DOCK10: variants seen among roughly 807,000 people sequenced by gnomAD.
DOCK10 encodes the protein dedicator of cytokinesis 10, also known as dedicator of cytokinesis protein 10.
Under a neutral mutation model 280.1 loss-of-function variants are expected in DOCK10, and 145 were observed. That is an observed-to-expected ratio of 0.52 (90% CI 0.45 to 0.59). DOCK10 has a LOEUF of 0.59. Among genes scored for constraint, DOCK10 ranks in the 20% least tolerant of loss-of-function variants. The probability of loss-of-function intolerance (pLI) is 0.00; values close to 1 mark genes in which losing one functional copy is unlikely to be tolerated. For missense variants in DOCK10, 2,368 were observed against 2,651.7 expected (o/e 0.89, Z 2.35); for synonymous variants, 915 against 942.2 (o/e 0.97, Z 0.53).
At chr2:224,910,971 T>TCG (rs1700975305) in intron 3 of DOCK10, among the ~76,000 whole-genome samples, 1 of 96,094 alleles carries the variant, frequency 1.0e-5, no homozygotes, top group South Asian at 3.2e-4. Context: ...CTCCTTTCTC[T>TCG]CTCCCTTTTT....
chr2:224,827,305 C>A (rs114651298), intron 27 of DOCK10, among the ~76,000 whole-genome samples: 391 of 151,084 alleles, frequency 2.6e-3, no homozygotes, highest in African/African-American at 8.3e-3. Flanking sequence ...GATATCAGGT[C>A]TTTTCCCACT....
chr2:224,807,544 G>T, intron 33 of DOCK10, 124 bp downstream of exon 33: 1 of 649,118 alleles, frequency 1.5e-6, no homozygotes. Context: ...GTACATAGCA[G>T]AAAGTGTTGT....
chr2:224,974,873 C>A (rs542916784), intron 1 of DOCK10, among the ~76,000 whole-genome samples: 1 of 93,042 alleles, frequency 1.1e-5, no homozygotes, highest in Non-Finnish European at 2.9e-5. Context: ...AGTATATATA[C>A]GTGTGTGTGT....
At chr2:224,939,673 C>G (rs1464825760) in intron 1 of DOCK10, among the ~76,000 whole-genome samples, 2 of 152,130 alleles carry the variant, frequency 1.3e-5, no homozygotes, top group South Asian at 2.1e-4. Context: ...TTATATGAAG[C>G]CTGTGATGAG....
In DOCK10 at chr2:224,902,862, C is replaced by T. The variant is rs546207045; in HGVS notation, c.334-6485G>A. ...TAATCCCAGCACTTAGGGAGGCCAA[C>T]GCGGGCAGATCATGAGGTCAGGAGA... On this transcript the variant is annotated intron_variant, in intron 3 of 55. Coordinates refer to ENST00000258390, the MANE Select transcript of DOCK10 (RefSeq NM_014689.3). Among the ~76,000 whole-genome samples the T allele has an allele frequency of 2.7e-4, 41 of 152,044 alleles. No homozygotes were observed. In the East Asian group the frequency reaches 7.7e-3, roughly 29 times the overall value.
At chr2:224,894,896 A>G (rs1216261523) in intron 4 of DOCK10, among the ~76,000 whole-genome samples, 2 of 143,122 alleles carry the variant, frequency 1.4e-5, no homozygotes, top group African/African-American at 5.9e-5. Context: ...ATCATGCCAC[A>G]CCCCTGGTTG....
At chr2:224,836,579 C>T (rs1183718982) in intron 25 of DOCK10, among the ~76,000 whole-genome samples, 1 of 151,844 alleles carries the variant, frequency 6.6e-6, no homozygotes, top group African/African-American at 2.4e-5. Flanking sequence ...TTTCTGGTTA[C>T]TTCCTTTTAT....
At chr2:224,779,422 G>T (rs1691136597) in intron 50 of DOCK10, among the ~76,000 whole-genome samples, 1 of 151,990 alleles carries the variant, frequency 6.6e-6, no homozygotes, top group African/African-American at 2.4e-5. Context: ...CGCCATGTTG[G>T]CCAGGCTGGT....
At chr2:225,037,642 C>T (rs1477117695) in intron 1 of DOCK10, among the ~76,000 whole-genome samples, 1 of 152,208 alleles carries the variant, frequency 6.6e-6, no homozygotes, top group Non-Finnish European at 1.5e-5. Context: ...ATAACTTCCT[C>T]AAATGATTGC....
intron 48 of DOCK10, among the ~76,000 whole-genome samples, chr2:224,787,934 T>G (rs1197791413): frequency 1.3e-5 from 2 of 152,138 alleles, no homozygotes; most frequent in African/African-American, 4.8e-5. Context: ...TACCACTCCA[T>G]TATTAGAATA....
At chr2:225,018,533 T>TGGAGAGGTTCCTAG (rs1559965820) in intron 1 of DOCK10, among the ~76,000 whole-genome samples, 2 of 10,420 alleles carry the variant, frequency 1.9e-4, no homozygotes, top group African/African-American at 3.6e-4. Flanking sequence ...ATAATATATA[T>TGGAGAGGTTCCTAG]GTAATATTAT....
At chr2:224,874,430 C>A in intron 9 of DOCK10, 81 bp from the exon 10 acceptor site, 1 of 1,129,046 alleles carries the variant, frequency 8.9e-7, no homozygotes, top group Non-Finnish European at 1.3e-6. Flanking sequence ...CAAGAAGCAG[C>A]CCCTTAGTAT....
Position 224,770,901 on chromosome 2 carries a change from T to TCATA in DOCK10, c.6205-260_6205-257dup, listed in dbSNP as rs1451968010. Among the ~76,000 whole-genome samples, 2 of 151,694 alleles carry TCATA rather than the reference T, an allele frequency of 1.3e-5. No homozygotes were observed. The highest frequency in any genetic ancestry group is 2.9e-5 in the Non-Finnish European group (2 of 67,966). ...AACCCCTTCACATTTTTTTTTTTTGTCATATCTGTACGTTGCTTGAACTAC... is the reference window on the plus strand; with the variant it reads ...AACCCCTTCACATTTTTTTTTTTTGTCATACATATCTGTACGTTGCTTGAACTAC... On this transcript the variant is annotated intron_variant, in intron 53 of 55. Transcript: ENST00000258390. The surrounding 1 kb of genome is among the most constrained non-coding windows in gnomAD (Gnocchi z 4.5).
chr2:224,947,972 T>C (rs1233800623), intron 1 of DOCK10, among the ~76,000 whole-genome samples: 1 of 152,220 alleles, frequency 6.6e-6, no homozygotes, highest in Non-Finnish European at 1.5e-5. Flanking sequence ...ACAATGAACC[T>C]TGTCTCATAT....
chr2:225,002,587 G>T (rs1706467969), intron 1 of DOCK10, among the ~76,000 whole-genome samples: 2 of 152,220 alleles, frequency 1.3e-5, no homozygotes. Context: ...TTTGGAGACA[G>T]AAAATGTCTC....
chr2:224,953,865 G>A (rs926224117), intron 1 of DOCK10, among the ~76,000 whole-genome samples: 2 of 152,136 alleles, frequency 1.3e-5, no homozygotes, highest in African/African-American at 4.8e-5. Context: ...GAATGTAGAT[G>A]AGCCAACAAT....
chr2:224,927,758 T>A (rs773598224), intron 2 of DOCK10, among the ~76,000 whole-genome samples: 2 of 152,184 alleles, frequency 1.3e-5, no homozygotes, highest in Non-Finnish European at 2.9e-5. Context: ...TGCTGTTCTA[T>A]ATTCAGCAGC....
chr2:225,014,081 A>ATATATATATTTTTTTTTTTTT (rs776104946), intron 1 of DOCK10, among the ~76,000 whole-genome samples: 1 of 96,800 alleles, frequency 1.0e-5, no homozygotes, highest in Non-Finnish European at 1.9e-5. Context: ...GTCTGAATAT[A>ATATATATATTTTTTTTTTTTT]TTGTTTTTTT....
intron 43 of DOCK10, among the ~76,000 whole-genome samples, chr2:224,796,757 G>A (rs1407733523): frequency 6.6e-6 from 1 of 152,130 alleles, no homozygotes; most frequent in Non-Finnish European, 1.5e-5. Flanking sequence ...GCAGAAGAAA[G>A]GAAAGTACAA....
Sources: allele counts gnomAD v4.1 joint callset (sites outside exome capture counted in the v4.1 genomes callset), GRCh38; gene constraint gnomAD v4.1.1; non-coding constraint Gnocchi (gnomAD v3.1); transcripts MANE v1.5; gene names NCBI Gene and HGNC (gene_info 2026-07-23, HGNC 2026-07-21).